HMCN1: variants seen among roughly 807,000 people sequenced by gnomAD.
The protein encoded by HMCN1 is hemicentin 1.
A neutral mutation model predicts 625.9 loss-of-function variants in HMCN1; 321 were observed. The ratio of observed to expected loss-of-function variants is 0.51; its 90% CI spans 0.47 to 0.56. The LOEUF is 0.56. Among genes scored for constraint, HMCN1 ranks in the 20% least tolerant of loss-of-function variants. The pLI, the probability that HMCN1 is intolerant of heterozygous loss-of-function variation, is 0.00. For missense variants in HMCN1, 6,588 were observed against 6,887.3 expected, an observed-to-expected ratio of 0.96 and a Z score of 1.54; for synonymous variants, 2,425 against 2,417.6, an observed-to-expected ratio of 1.00 and a Z score of -0.09.
rs1483352398 is a variant in HMCN1 at position 186,161,104 on chromosome 1, C to A, written c.15257-4007C>A. Reference sequence around the variant, plus strand: ...ACTTGCTTTATGAATCTGGGTGCTCCTGTATTGGGTGCATATATATTTAGG... The same window carrying A: ...ACTTGCTTTATGAATCTGGGTGCTCATGTATTGGGTGCATATATATTTAGG... On this transcript the variant is annotated intron_variant, in intron 97 of 106. Coordinates refer to ENST00000271588, the MANE Select transcript of HMCN1 (RefSeq NM_031935.3). Among the ~76,000 whole-genome samples the A allele has an allele frequency of 8.5e-5, 13 of 152,086 alleles. No individual in the cohort carries two copies. The East Asian group carries it at 1.7e-3, about 20-fold the overall frequency.
At position 185,970,393 on chromosome 1, in the gene HMCN1, G is replaced by C; in HGVS notation, c.2271G>C (p.Leu757Phe). 1 of 1,613,698 alleles carries C rather than the reference G, an allele frequency of 6.2e-7. No homozygotes were observed. The highest frequency in any genetic ancestry group is 8.5e-7 in the Non-Finnish European group (1 of 1,179,630). Residue 757 changes from leucine to phenylalanine, a missense_variant, in exon 15 of 107, where the codon TTG becomes TTC. Physicochemically the swap from Leu to Phe is conservative, Grantham distance 22. This residue lies in a region of HMCN1 where 4,628 missense variants were observed against 4,853.1 expected (regional missense o/e 0.95). Transcript: ENST00000271588. ...FLIIDPLLGL[L>F]KIQETQDLDA... ...TTATTGACCCTCTCTTGGGACTTTT[G>C]AAGATTCAAGAAACACAAGATCTGG...
chr1:185,997,693 T>A (rs943887222), intron 25 of HMCN1, among the ~76,000 whole-genome samples, 169 bp downstream of exon 25: 1 of 151,970 alleles, frequency 6.6e-6, no homozygotes, highest in African/African-American at 2.4e-5. Context: ...TGAATAAGTA[T>A]TTTTTTTCCT....
At chr1:186,120,484 G>C (rs1158584832) in intron 80 of HMCN1, among the ~76,000 whole-genome samples, 1 of 152,132 alleles carries the variant, frequency 6.6e-6, no homozygotes, top group East Asian at 1.9e-4. Flanking sequence ...CAAAACACTG[G>C]ATTATAACGT....
intron 96 of HMCN1, among the ~76,000 whole-genome samples, chr1:186,153,458 G>T (rs11586165): frequency 1.3e-5 from 2 of 151,972 alleles, no homozygotes; most frequent in Admixed American, 1.3e-4. Flanking sequence ...TCCTCATTCC[G>T]CCACTTTGTA....
At chr1:185,953,414 T>G (rs1175682903) in intron 11 of HMCN1, among the ~76,000 whole-genome samples, 1 of 151,878 alleles carries the variant, frequency 6.6e-6, no homozygotes, top group African/African-American at 2.4e-5. Context: ...AGGGGAAGTC[T>G]GCCTTCCCAG....
rs114517831 is a variant in HMCN1 at position 185,818,522 on chromosome 1, A to G, written c.269-27504A>G. ...TCTCTTTTAAAATTTGTAATTGTAT[A>G]TAATTTTTCAGATGTGAATTGAGTA... On this transcript the variant is annotated intron_variant, in intron 1 of 106. Transcript: ENST00000271588. 7.7e-3 allele frequency among the ~76,000 whole-genome samples: 1,173 copies of G among 152,260 alleles called. 11 individuals are homozygous for G. Among genetic ancestry groups the G allele is most frequent in the African/African-American group, 0.027 (1,132 of 41,548 alleles).
chr1:186,040,975 G>T, intron 39 of HMCN1, 38 bp from the exon 40 acceptor site: 1 of 1,608,224 alleles, frequency 6.2e-7, no homozygotes, highest in South Asian at 1.1e-5. Flanking sequence ...ACCATTCTCA[G>T]AGACATATTG....
chr1:186,028,548 G>T (rs1472189191), intron 36 of HMCN1, among the ~76,000 whole-genome samples: 1 of 152,046 alleles, frequency 6.6e-6, no homozygotes, highest in Non-Finnish European at 1.5e-5. Context: ...TGCTTTGCAG[G>T]CAGGATTATA....
intron 1 of HMCN1, among the ~76,000 whole-genome samples, chr1:185,785,822 G>A (rs79602057): frequency 0.049 from 7,519 of 152,150 alleles, 564 homozygotes; most frequent in African/African-American, 0.17. Flanking sequence ...GACAGTTCTG[G>A]GAAATAGTCA....
At chr1:186,129,492 G>A (rs905016604) in intron 83 of HMCN1, among the ~76,000 whole-genome samples, 2 of 151,838 alleles carry the variant, frequency 1.3e-5, no homozygotes, top group African/African-American at 4.8e-5. Flanking sequence ...TATTACCTAA[G>A]TAGCATACGT....
chr1:186,010,479 ATCC>A (rs1653930699), intron 30 of HMCN1, among the ~76,000 whole-genome samples: 1 of 152,164 alleles, frequency 6.6e-6, no homozygotes, highest in Non-Finnish European at 1.5e-5. Context: ...TTTAAAGTAG[ATCC>A]TTCCTGATAC....
At chr1:186,083,542 GAGT>G (rs1051223111) in intron 57 of HMCN1, among the ~76,000 whole-genome samples, 5 of 142,190 alleles carry the variant, frequency 3.5e-5, no homozygotes, top group African/African-American at 1.3e-4. Context: ...TACTGCAAAA[GAGT>G]AGTTTTATTT....
At chr1:185,841,798 T>A (rs1450874440) in intron 1 of HMCN1, among the ~76,000 whole-genome samples, 1 of 152,202 alleles carries the variant, frequency 6.6e-6, no homozygotes, top group East Asian at 1.9e-4. Flanking sequence ...TATATAATTA[T>A]GTCTATCCTA....
At chr1:186,078,006 G>T (rs113515711) in intron 54 of HMCN1, 101 bp from the exon 55 acceptor site, 7 of 819,820 alleles carry the variant, frequency 8.5e-6, no homozygotes, top group African/African-American at 8.5e-5. Context: ...AACCTTGAAA[G>T]AAAATGTAAG....
chr1:186,161,891 T>C lies in HMCN1; in HGVS notation c.15257-3220T>C, dbSNP rs556825384. Among the ~76,000 whole-genome samples, 132 of 152,328 alleles carry C rather than the reference T, an allele frequency of 8.7e-4. 1 individual carries two copies. Among genetic ancestry groups the C allele is most frequent in the African/African-American group, 3.1e-3 (130 of 41,550 alleles). On this transcript the variant is annotated intron_variant, in intron 97 of 106. Transcript: ENST00000271588. ...TTTCAACTGGTGAATCTGACAATTA[T>C]GTTTCTTGGAGTTGCTCTTCTCAAG...
chr1:186,032,532 T>C (rs1655525374), intron 36 of HMCN1, among the ~76,000 whole-genome samples: 1 of 152,034 alleles, frequency 6.6e-6, no homozygotes, highest in Non-Finnish European at 1.5e-5. Flanking sequence ...ATAAGGGGCT[T>C]TTCCCCACCT....
intron 54 of HMCN1, among the ~76,000 whole-genome samples, chr1:186,077,377 A>G (rs981691548): frequency 6.6e-6 from 1 of 152,084 alleles, no homozygotes; most frequent in Non-Finnish European, 1.5e-5. Flanking sequence ...ATTCAATAGT[A>G]GTTTTGTTTT....
intron 11 of HMCN1, among the ~76,000 whole-genome samples, chr1:185,943,982 C>G (rs775534072): frequency 1.6e-4 from 24 of 152,102 alleles, no homozygotes; most frequent in Non-Finnish European, 1.9e-4. Flanking sequence ...ATCACAAGAT[C>G]ACATTATTGC....
intron 80 of HMCN1, 54 bp downstream of exon 80, chr1:186,120,199 T>C (rs1661336406): frequency 1.9e-6 from 3 of 1,561,958 alleles, no homozygotes; most frequent in Non-Finnish European, 2.6e-6. Context: ...TAACAATGTC[T>C]ACCAAATATT....
Sources: gnomAD v4.1 joint callset for allele counts (sites outside exome capture counted in the v4.1 genomes callset) on GRCh38, gnomAD v4.1.1 for gene constraint, gnomAD v4.1.1 regional missense constraint, MANE v1.5 for transcripts, NCBI Gene and HGNC (gene_info 2026-07-23, HGNC 2026-07-21) for gene names.